Variants in DPYSL5 observed in about 807,000 individuals in gnomAD.
DPYSL5 encodes the protein dihydropyrimidinase like 5.
A neutral mutation model predicts 58.4 loss-of-function variants in DPYSL5; 9 were observed. The ratio of observed to expected loss-of-function variants is 0.15; its 90% CI spans 0.09 to 0.27. DPYSL5 has a LOEUF of 0.27. DPYSL5 is among the 10% of genes least tolerant of loss of function. The pLI, the probability that DPYSL5 is intolerant of heterozygous loss-of-function variation, is 1.00. For synonymous variants in DPYSL5, 293 were observed against 301.9 expected (o/e 0.97, Z 0.31); for missense variants, 499 against 770.6 (o/e 0.65, Z 4.17).
At chr2:26,914,108 C>A (rs1046972278) in intron 2 of DPYSL5, among the ~76,000 whole-genome samples, 1 of 152,152 alleles carries the variant, frequency 6.6e-6, no homozygotes, top group African/African-American at 2.4e-5. Context: ...AGCATCAGAC[C>A]GGTTTCCAGT....
At chr2:26,907,306 G>A (rs985211466) in intron 2 of DPYSL5, among the ~76,000 whole-genome samples, 4 of 151,642 alleles carry the variant, frequency 2.6e-5, no homozygotes, top group African/African-American at 4.9e-5. Flanking sequence ...TAGAGACGGA[G>A]TTTCTCCATG....
intron 1 of DPYSL5, among the ~76,000 whole-genome samples, chr2:26,856,106 A>G (rs1452526301): frequency 6.6e-6 from 1 of 152,214 alleles, no homozygotes; most frequent in Admixed American, 6.5e-5. Context: ...AGTATAACAG[A>G]TAAACTGAGA....
In DPYSL5 at chr2:26,934,706, T is replaced by C. The variant is rs1356910906; in HGVS notation, c.919T>C (p.Ser307Pro). ...TCCCCTGAGACTGGACACCAACACC[T>C]CAACCTACCTCATGAGCCTGCTGGC... ...VPPLRLDTNT[S>P]TYLMSLLAND... The change falls in exon 8 of 13, where the codon TCA (serine) becomes CCA (proline). Residue 307 changes from serine (S) to proline (P), a missense_variant. By Grantham distance (74) the Ser-to-Pro change is moderately conservative. Around this residue, in one of 3 missense-constraint regions of DPYSL5, gnomAD observed 404 missense variants for 647.6 expected, o/e 0.62. Coordinates refer to ENST00000288699, the MANE Select transcript of DPYSL5 (RefSeq NM_020134.4). This position sits in a 1 kb window ranked among gnomAD's most constrained non-coding sequence, Gnocchi z 4.3. 6.2e-7 allele frequency: 1 copy of C among 1,614,084 alleles called. No individual in the cohort carries two copies. The highest frequency in any genetic ancestry group is 1.7e-5 in the Admixed American group (1 of 60,020).
rs371966554 is a variant in DPYSL5, at chr2:26,934,566, T to G, written c.791-12T>G. On this transcript the variant is annotated splice_polypyrimidine_tract_variant and intron_variant, in intron 7 of 12. Transcript: ENST00000288699. The surrounding 1 kb of genome is among the most constrained non-coding windows in gnomAD (Gnocchi z 4.3). ...GGCTTCCTGGTTATGGTTCTGACCT[T>G]TCTTCTTCCAGGGAAGGTTGTGCTG... 4 of 1,611,118 alleles carry G rather than the reference T, an allele frequency of 2.5e-6. No individual in the cohort carries two copies. The highest frequency in any genetic ancestry group is 3.4e-6 in the Non-Finnish European group (4 of 1,179,274).
chr2:26,851,141 A>G (rs1433836549), intron 1 of DPYSL5, among the ~76,000 whole-genome samples: 1 of 152,210 alleles, frequency 6.6e-6, no homozygotes, highest in Non-Finnish European at 1.5e-5. Flanking sequence ...GAGAGCTCCA[A>G]TGGGAAACAT....
At chr2:26,881,146 C>G (rs571537472) in intron 1 of DPYSL5, among the ~76,000 whole-genome samples, 1 of 152,234 alleles carries the variant, frequency 6.6e-6, no homozygotes, top group Non-Finnish European at 1.5e-5. Flanking sequence ...AGGTCACTGC[C>G]CTCACCTGTG....
rs182077294 is a variant in DPYSL5 at position 26,855,343 on chromosome 2, C to T, written c.-5+7089C>T. On this transcript the variant is annotated intron_variant, in intron 1 of 12. Coordinates refer to ENST00000288699, the MANE Select transcript of DPYSL5 (RefSeq NM_020134.4). ...ACTCAGGAGGCTGAGGTAGAAGAAT[C>T]GCTTGAACCCAGGAGGCAGAGGCTG... is the stretch of plus-strand genomic sequence containing the variant. Among the ~76,000 whole-genome samples the T allele has an allele frequency of 8.5e-4, 129 of 151,984 alleles. 2 individuals are homozygous for T. The East Asian group carries it at 0.02, about 24-fold the overall frequency.
At chr2:26,891,502 C>T (rs909691975) in intron 1 of DPYSL5, among the ~76,000 whole-genome samples, 3 of 151,902 alleles carry the variant, frequency 2.0e-5, no homozygotes, top group Non-Finnish European at 4.4e-5. Flanking sequence ...AAAAATAGGC[C>T]GAGGTGGTGG....
intron 1 of DPYSL5, among the ~76,000 whole-genome samples, chr2:26,891,712 G>A (rs1663885600): frequency 6.6e-6 from 1 of 151,656 alleles, no homozygotes; most frequent in Non-Finnish European, 1.5e-5. Flanking sequence ...TCGCTCTGTT[G>A]CCCAGGCTGG....
At position 26,927,192 on chromosome 2, in the gene DPYSL5, T is replaced by A; in HGVS notation, c.421-61T>A. On this transcript the variant is annotated intron_variant, in intron 3 of 12. Coordinates refer to ENST00000288699, the MANE Select transcript of DPYSL5 (RefSeq NM_020134.4). The surrounding 1 kb of genome is among the most constrained non-coding windows in gnomAD (Gnocchi z 4.3). ...ATCTCCCCCATGCTGGGCCGGTGCC[T>A]GCCAGTCGGCCTCTTGGGTGTCTGC... is the stretch of plus-strand genomic sequence containing the variant. The A allele has an allele frequency of 1.3e-6, 2 of 1,532,888 alleles. No individual in the cohort carries two copies. The allele number at this position is 1,532,888 out of a possible 1,614,324, so 95.0% of individuals were successfully genotyped here. A position where few individuals can be genotyped will look rare whatever the true frequency, so the allele number is the denominator to read the frequency against.
chr2:26,944,771 T>C lies in DPYSL5; in HGVS notation c.1556T>C (p.Val519Ala), dbSNP rs747183519. The C allele has an allele frequency of 9.5e-5, 153 of 1,613,964 alleles. No homozygotes were observed. The highest frequency in any genetic ancestry group is 1.2e-4 in the Non-Finnish European group (146 of 1,180,000). ...TPLADTPTRP[V>A]TRHGGMRDLH... ...CTCGCAGACACTCCTACCCGGCCCG[T>C]CACCCGGCATGGGGGCATGAGGGAC... is the stretch of plus-strand genomic sequence containing the variant. Residue 519 changes from valine (V) to alanine (A), a missense_variant, in exon 12 of 13, where the codon GTC (valine) becomes GCC (alanine). Physicochemically the swap from Val to Ala is moderately conservative, Grantham distance 64. Transcript: ENST00000288699. The surrounding 1 kb of genome is among the most constrained non-coding windows in gnomAD (Gnocchi z 4.4).
chr2:26,936,161 G>A (rs1013365886), intron 8 of DPYSL5, among the ~76,000 whole-genome samples: 1 of 152,178 alleles, frequency 6.6e-6, no homozygotes, highest in African/African-American at 2.4e-5. Flanking sequence ...GAGGAGGGGA[G>A]GGAATGCCAG....
chr2:26,863,515 A>G (rs1169140996), intron 1 of DPYSL5, among the ~76,000 whole-genome samples: 1 of 152,212 alleles, frequency 6.6e-6, no homozygotes, highest in Non-Finnish European at 1.5e-5. Flanking sequence ...CAAGTTGGAA[A>G]TATCTTTGAA....
At position 26,948,993 on chromosome 2, in the gene DPYSL5, T is replaced by C. The variant is rs1049647255; in HGVS notation, c.*1998T>C. On this transcript the variant is annotated 3_prime_UTR_variant, in exon 13 of 13. Transcript: ENST00000288699. ...CTTATTATTCTTCCCATTTTACAGA[T>C]GAGGAAACTAAGACCCAGAAAGTTC... The C allele has an allele frequency of 6.6e-6, 1 of 152,328 alleles. No homozygotes were observed. 9.4% of individuals were successfully genotyped at this position (152,328 alleles called of 1,614,324 possible).
chr2:26,910,232 C>T (rs930582877), intron 2 of DPYSL5, among the ~76,000 whole-genome samples: 1 of 152,150 alleles, frequency 6.6e-6, no homozygotes, highest in Admixed American at 6.5e-5. Flanking sequence ...GCTTTTATTT[C>T]CCTTGGGTAA....
At chr2:26,896,501 C>G (rs944954696) in intron 1 of DPYSL5, among the ~76,000 whole-genome samples, 4 of 152,154 alleles carry the variant, frequency 2.6e-5, no homozygotes, top group Admixed American at 1.3e-4. Flanking sequence ...ACATTCCCAC[C>G]AACAGTGTAC....
chr2:26,947,088 GGT>G lies in DPYSL5; in HGVS notation c.*95_*96del, dbSNP rs1558359340. On this transcript the variant is annotated 3_prime_UTR_variant, in exon 13 of 13. Transcript: ENST00000288699. The surrounding 1 kb of genome is among the most constrained non-coding windows in gnomAD (Gnocchi z 4.2). ...TGCAGGGGCAGGAGAGGCTGGGCTG[GGT>G]GGCACACCACCCGAGGGGGGCCCCG... The G allele has an allele frequency of 8.7e-7, 1 of 1,154,360 alleles. No homozygotes were observed. The highest frequency in any genetic ancestry group is 1.3e-6 in the Non-Finnish European group (1 of 793,950). 71.5% of individuals were successfully genotyped at this position (1,154,360 alleles called of 1,614,324 possible).
chr2:26,891,176 T>C (rs1433745787), intron 1 of DPYSL5, among the ~76,000 whole-genome samples: 1 of 152,228 alleles, frequency 6.6e-6, no homozygotes, highest in Non-Finnish European at 1.5e-5. Flanking sequence ...GGGGCAATGA[T>C]GGTACCTATC....
chr2:26,922,915 T>C (rs1162114204), intron 2 of DPYSL5, among the ~76,000 whole-genome samples: 1 of 152,196 alleles, frequency 6.6e-6, no homozygotes, highest in African/African-American at 2.4e-5. Flanking sequence ...TGCTTTAAGC[T>C]GTGCAAGCAG....
Sources: allele counts gnomAD v4.1 joint callset (sites outside exome capture counted in the v4.1 genomes callset), GRCh38; gene constraint gnomAD v4.1.1; regional missense constraint gnomAD v4.1.1; non-coding constraint Gnocchi (gnomAD v3.1); transcripts MANE v1.5; gene names NCBI Gene and HGNC (gene_info 2026-07-23, HGNC 2026-07-21).